The following SLIT2 variants were observed in gnomAD, a reference collection of about 807,000 sequenced individuals.
SLIT2 encodes the protein slit homolog 2 protein.
A neutral mutation model predicts 185.7 loss-of-function variants in SLIT2; 41 were observed. The ratio of observed to expected loss-of-function variants is 0.22; its 90% CI spans 0.17 to 0.29. SLIT2 has a LOEUF of 0.29. Among genes scored for constraint, SLIT2 ranks in the 10% least tolerant of loss-of-function variants. The pLI, the probability that SLIT2 is intolerant of heterozygous loss-of-function variation, is 1.00. For synonymous variants in SLIT2, 693 were observed against 680.2 expected, an observed-to-expected ratio of 1.02 and a Z score of -0.29; for missense variants, 1,571 against 1,909.0, an observed-to-expected ratio of 0.82 and a Z score of 3.30.
chr4:20,525,310 T>A, intron 15 of SLIT2, 138 bp downstream of exon 15: 1 of 600,032 alleles, frequency 1.7e-6, no homozygotes, highest in East Asian at 2.6e-5. Context: ...CATATATCAC[T>A]TGTAGCTGTT....
chr4:20,565,788 C>T (rs1056836210), intron 26 of SLIT2, among the ~76,000 whole-genome samples: 2 of 151,910 alleles, frequency 1.3e-5, no homozygotes, highest in Non-Finnish European at 2.9e-5. Flanking sequence ...TAATTTTCTC[C>T]TAATGGTTAA....
chr4:20,559,454 A>G (rs2148902692), intron 26 of SLIT2, among the ~76,000 whole-genome samples: 1 of 152,094 alleles, frequency 6.6e-6, no homozygotes, highest in African/African-American at 2.4e-5. Context: ...CATTTGTCTC[A>G]GCATTTGTCA....
intron 4 of SLIT2, among the ~76,000 whole-genome samples, chr4:20,375,968 T>A (rs1177027830): frequency 6.6e-6 from 1 of 151,944 alleles, no homozygotes; most frequent in Non-Finnish European, 1.5e-5. Context: ...AAATTTAGCA[T>A]TTTATAAATT....
chr4:20,335,200 A>G (rs1408650272), intron 4 of SLIT2, among the ~76,000 whole-genome samples: 2 of 152,106 alleles, frequency 1.3e-5, no homozygotes, highest in African/African-American at 4.8e-5. Flanking sequence ...GACACAGCCA[A>G]ACCATATCAG....
At chr4:20,581,954 C>G (rs1367579822) in intron 29 of SLIT2, among the ~76,000 whole-genome samples, 1 of 152,178 alleles carries the variant, frequency 6.6e-6, no homozygotes, top group Non-Finnish European at 1.5e-5. Context: ...ACCATCTTGG[C>G]CAGGCTTGTC....
At position 20,611,837 on chromosome 4, in the gene SLIT2, T is replaced by C. The variant is rs548835351; in HGVS notation, c.3847+1670T>C. Among the ~76,000 whole-genome samples, 96 of 152,346 alleles carry C rather than the reference T, an allele frequency of 6.3e-4. 1 individual carries two copies. Among genetic ancestry groups the C allele is most frequent in the African/African-American group, 2.2e-3 (93 of 41,578 alleles). On this transcript the variant is annotated intron_variant, in intron 34 of 36. Coordinates refer to ENST00000504154, the MANE Select transcript of SLIT2 (RefSeq NM_004787.4). The stretch of plus-strand genomic sequence containing the variant: ...AGCAATCTCAAGGATTTTATATAAC[T>C]TGTCCAAGTACACAAAGCTATTATG...
At chr4:20,441,766 C>G (rs1013004526) in intron 4 of SLIT2, among the ~76,000 whole-genome samples, 5 of 152,118 alleles carry the variant, frequency 3.3e-5, no homozygotes, top group African/African-American at 1.2e-4. Context: ...TGATCATTCC[C>G]TTGTAGATTA....
intron 4 of SLIT2, among the ~76,000 whole-genome samples, chr4:20,277,368 AT>A (rs1470216103): frequency 6.6e-6 from 1 of 152,108 alleles, no homozygotes; most frequent in Non-Finnish European, 1.5e-5. Flanking sequence ...CTTTAAAAAA[AT>A]ATTAATTTAA....
At chr4:20,318,430 A>G (rs951070719) in intron 4 of SLIT2, among the ~76,000 whole-genome samples, 1 of 152,180 alleles carries the variant, frequency 6.6e-6, no homozygotes. Flanking sequence ...TGATTGTGAA[A>G]CTAATGTTCA....
chr4:20,428,732 T>A (rs1160329500), intron 4 of SLIT2, among the ~76,000 whole-genome samples: 1 of 152,194 alleles, frequency 6.6e-6, no homozygotes, highest in Non-Finnish European at 1.5e-5. Flanking sequence ...TCTGTAGTAT[T>A]CTGCATCGTT....
intron 5 of SLIT2, among the ~76,000 whole-genome samples, chr4:20,477,685 A>T (rs114895776): frequency 1.0e-3 from 156 of 152,358 alleles, no homozygotes; most frequent in African/African-American, 3.6e-3. Flanking sequence ...AAGTTAGGTC[A>T]GCTGAAGGTC....
At chr4:20,342,324 A>G (rs1274753632) in intron 4 of SLIT2, among the ~76,000 whole-genome samples, 2 of 152,178 alleles carry the variant, frequency 1.3e-5, no homozygotes, top group Non-Finnish European at 1.5e-5. Context: ...ATTTTCTAAT[A>G]ATTCCAGACA....
intron 29 of SLIT2, among the ~76,000 whole-genome samples, chr4:20,583,296 G>A (rs1489826751): frequency 6.6e-6 from 1 of 152,076 alleles, no homozygotes; most frequent in Non-Finnish European, 1.5e-5. Flanking sequence ...CAAAATATAT[G>A]GTGATGTTAA....
chr4:20,490,811 G>A (rs570180707), intron 8 of SLIT2: 345 of 1,521,324 alleles, frequency 2.3e-4, no homozygotes, highest in Non-Finnish European at 2.1e-4. Context: ...AGATGAGGAA[G>A]AAGGCAAGTT....
intron 4 of SLIT2, among the ~76,000 whole-genome samples, chr4:20,361,326 A>G (rs947862235): frequency 6.6e-6 from 1 of 152,080 alleles, no homozygotes; most frequent in African/African-American, 2.4e-5. Context: ...CCGTCCACCC[A>G]TCTACCCATC....
chr4:20,253,507 G>A lies in SLIT2; in HGVS notation c.-309G>A. ...CCGCCAAGTTCATCCTTGGGAGACAGAAGACGCGTGATCTCCTCTCCGCTG... is the reference window on the plus strand; with the variant it reads ...CCGCCAAGTTCATCCTTGGGAGACAAAAGACGCGTGATCTCCTCTCCGCTG... On this transcript the variant is annotated 5_prime_UTR_variant, in exon 1 of 37. Transcript: ENST00000504154. 1 of 381,894 alleles carries A rather than the reference G, an allele frequency of 2.6e-6. No homozygotes were observed. Among genetic ancestry groups the A allele is most frequent in the Non-Finnish European group, 4.7e-6 (1 of 211,140 alleles). The allele number at this position is 381,894 out of a possible 1,614,324, so 23.7% of individuals were successfully genotyped here. A position where few individuals can be genotyped will look rare whatever the true frequency, so the allele number is the denominator to read the frequency against.
In SLIT2 at chr4:20,533,558, C is replaced by A. The variant is rs925984556; in HGVS notation, c.1689-14C>A. ...AAATTATTTAAAACCTTTGTTCCAA[C>A]AATTTTTATTTAGAAACTTTAGCAA... is the stretch of plus-strand genomic sequence containing the variant. On this transcript the variant is annotated splice_polypyrimidine_tract_variant and intron_variant, in intron 17 of 36. Transcript: ENST00000504154. The A allele has an allele frequency of 1.3e-6, 2 of 1,587,962 alleles. No individual in the cohort carries two copies. The highest frequency in any genetic ancestry group is 3.5e-5 in the Admixed American group (2 of 57,394).
At chr4:20,263,918 C>T (rs373240350) in intron 3 of SLIT2, among the ~76,000 whole-genome samples, 5 of 151,920 alleles carry the variant, frequency 3.3e-5, no homozygotes, top group African/African-American at 4.8e-5. Context: ...TGACTTTTTA[C>T]GACCATATTT....
At chr4:20,596,030 G>A (rs1279526930) in intron 31 of SLIT2, among the ~76,000 whole-genome samples, 196 bp downstream of exon 31, 2 of 152,128 alleles carry the variant, frequency 1.3e-5, no homozygotes, top group Non-Finnish European at 2.9e-5. Context: ...TTACATGCCT[G>A]TATCAAAATA....
Sources: allele counts gnomAD v4.1 joint callset (sites outside exome capture counted in the v4.1 genomes callset), GRCh38; gene constraint gnomAD v4.1.1; transcripts MANE v1.5; gene names NCBI Gene and HGNC (gene_info 2026-07-23, HGNC 2026-07-21).